DARS1: variants seen among roughly 807,000 people sequenced by gnomAD.
DARS1 encodes the protein aspartate--tRNA ligase, cytoplasmic.
DARS1 carries 51 observed loss-of-function variants against 68.8 expected under a neutral mutation model. That is an observed-to-expected ratio of 0.74 (90% CI 0.59 to 0.94). The LOEUF (loss-of-function observed/expected upper bound fraction) is 0.94, where lower values mean the gene tolerates loss of function less well. DARS1 is among the 40% of genes least tolerant of loss of function. DARS1 has a pLI of 0.00. For missense variants in DARS1, 607 were observed against 597.3 expected, an observed-to-expected ratio of 1.02 and a Z score of -0.17; for synonymous variants, 203 against 190.4, an observed-to-expected ratio of 1.07 and a Z score of -0.55.
intron 7 of DARS1, among the ~76,000 whole-genome samples, chr2:135,932,494 T>C (rs898972353): frequency 2.0e-5 from 3 of 152,200 alleles, no homozygotes; most frequent in African/African-American, 7.2e-5. Context: ...GCTGAATAAC[T>C]TGTCTAAAAA....
intron 5 of DARS1, 70 bp from the exon 6 acceptor site, chr2:135,934,060 C>G: frequency 6.4e-7 from 1 of 1,559,276 alleles, no homozygotes; most frequent in East Asian, 2.3e-5. Flanking sequence ...AAAAAACAAT[C>G]TACAGTTGAC....
chr2:135,966,780 T>G (rs1015990062), intron 3 of DARS1, among the ~76,000 whole-genome samples: 4 of 152,160 alleles, frequency 2.6e-5, no homozygotes, highest in African/African-American at 9.7e-5. Context: ...GTGATCCACC[T>G]GCCTCAGCCT....
intron 4 of DARS1, among the ~76,000 whole-genome samples, chr2:135,952,704 A>C (rs537412734): frequency 6.6e-6 from 1 of 152,174 alleles, no homozygotes; most frequent in Admixed American, 6.5e-5. Context: ...ACAAATGACA[A>C]GATTTCACTT....
chr2:135,948,785 G>A (rs1681780387), intron 4 of DARS1, among the ~76,000 whole-genome samples: 1 of 151,698 alleles, frequency 6.6e-6, no homozygotes, highest in Non-Finnish European at 1.5e-5. Flanking sequence ...GTAGAGAATC[G>A]CTTTAACCTG....
intron 1 of DARS1, among the ~76,000 whole-genome samples, chr2:135,984,850 T>C (rs545768384): frequency 2.6e-4 from 39 of 152,298 alleles, no homozygotes; most frequent in Non-Finnish European, 4.6e-4. Context: ...TCACCTCAAA[T>C]GCATTCTCGG....
intron 3 of DARS1, among the ~76,000 whole-genome samples, chr2:135,963,148 T>C (rs751342288): frequency 2.6e-5 from 4 of 152,124 alleles, no homozygotes; most frequent in Non-Finnish European, 5.9e-5. Flanking sequence ...AATTAGTGTG[T>C]CTGGTAGAAA....
chr2:135,928,787 C>T (rs1426294451), intron 7 of DARS1, among the ~76,000 whole-genome samples: 4 of 149,314 alleles, frequency 2.7e-5, no homozygotes, highest in Middle Eastern at 3.4e-3. Context: ...TACAGGTGCC[C>T]GCCACCACGC....
intron 4 of DARS1, among the ~76,000 whole-genome samples, chr2:135,949,488 A>G (rs1276495079): frequency 2.0e-5 from 3 of 152,232 alleles, no homozygotes; most frequent in African/African-American, 7.2e-5. Flanking sequence ...TAAATATTAG[A>G]TAAGATGGGG....
chr2:135,909,450 ACATATCTAT>A (rs1680853347), intron 15 of DARS1, among the ~76,000 whole-genome samples: 1 of 152,224 alleles, frequency 6.6e-6, no homozygotes, highest in African/African-American at 2.4e-5. Context: ...AAGCTAATTA[ACATATCTAT>A]CATCTTGCAT....
rs748237751 is a variant in DARS1 at position 135,969,616 on chromosome 2, TA to T, written c.218-8119del. Among the ~76,000 whole-genome samples, 618 of 138,626 alleles carry T rather than the reference TA, an allele frequency of 4.5e-3. 2 individuals are homozygous for T. Among genetic ancestry groups the T allele is most frequent in the African/African-American group, 7.5e-3 (287 of 38,100 alleles). The allele number at this position is 138,626 out of a possible 152,430, so 90.9% of individuals were successfully genotyped here. ...AAAGTAAGTTAAACAAGCACTATAC[TA>T]AAAAAAAAAAAGCCACCCGCACCTT... is the stretch of plus-strand genomic sequence containing the variant. On this transcript the variant is annotated intron_variant, in intron 3 of 15. Transcript: ENST00000264161.
chr2:135,907,113 C>A lies in DARS1; in HGVS notation c.*203G>T. 2.6e-6 allele frequency: 1 copy of A among 389,028 alleles called. No individual in the cohort carries two copies. The highest frequency in any genetic ancestry group is 4.6e-6 in the Non-Finnish European group (1 of 216,014). 24.1% of individuals were successfully genotyped at this position (389,028 alleles called of 1,614,324 possible). A position where few individuals can be genotyped will look rare whatever the true frequency, so the allele number is the denominator to read the frequency against. On this transcript the variant is annotated 3_prime_UTR_variant, in exon 16 of 16. Coordinates refer to ENST00000264161, the MANE Select transcript of DARS1 (RefSeq NM_001349.4). Reference sequence around the variant, plus strand: ...TTATAAAAATCTCTTTTAAACGAACCTATACTGAATTACTCCAAAAATAAC... The same window carrying A: ...TTATAAAAATCTCTTTTAAACGAACATATACTGAATTACTCCAAAAATAAC...
chr2:135,929,885 T>G (rs977390298), intron 7 of DARS1, among the ~76,000 whole-genome samples: 2 of 152,202 alleles, frequency 1.3e-5, no homozygotes, highest in African/African-American at 4.8e-5. Flanking sequence ...GAGGCTGCCC[T>G]GAGTGCTGTG....
At chr2:135,926,578 T>C (rs1681215666) in intron 7 of DARS1, among the ~76,000 whole-genome samples, 1 of 152,022 alleles carries the variant, frequency 6.6e-6, no homozygotes, top group South Asian at 2.1e-4. Context: ...ATCACAGGGG[T>C]AGATGGGAAA....
chr2:135,924,608 A>G lies in DARS1; in HGVS notation c.565-110T>C, dbSNP rs117587018. The G allele has an allele frequency of 1.3e-4, 181 of 1,430,420 alleles. 1 individual carries two copies. The East Asian group carries it at 4.1e-3, about 32-fold the overall frequency. The allele number at this position is 1,430,420 out of a possible 1,614,324, so 88.6% of individuals were successfully genotyped here. A position where few individuals can be genotyped will look rare whatever the true frequency, so the allele number is the denominator to read the frequency against. ...AACAATTCTTGCTTTCAACATTTTTAAATTCTAATAATTGGAGAGAAGACG... is the reference window on the plus strand; with the variant it reads ...AACAATTCTTGCTTTCAACATTTTTGAATTCTAATAATTGGAGAGAAGACG... On this transcript the variant is annotated intron_variant, in intron 7 of 15. Transcript: ENST00000264161.
intron 6 of DARS1, among the ~76,000 whole-genome samples, 165 bp downstream of exon 6, chr2:135,933,745 G>C (rs543360033): frequency 6.6e-6 from 1 of 151,904 alleles, no homozygotes; most frequent in Admixed American, 6.6e-5. Context: ...AATGTAAAAG[G>C]CAACTCGATA....
At chr2:135,935,571 G>C (rs573127726) in intron 5 of DARS1, among the ~76,000 whole-genome samples, 4 of 152,234 alleles carry the variant, frequency 2.6e-5, no homozygotes, top group Admixed American at 2.6e-4. Flanking sequence ...CTGCACTCCA[G>C]CCTGGGTGAC....
At chr2:135,956,400 T>C (rs1461397011) in intron 4 of DARS1, among the ~76,000 whole-genome samples, 2 of 152,138 alleles carry the variant, frequency 1.3e-5, no homozygotes, top group Non-Finnish European at 2.9e-5. Context: ...AGGATTCTTG[T>C]TGAAGGCAGG....
intron 5 of DARS1, among the ~76,000 whole-genome samples, chr2:135,939,714 C>T (rs1681554625): frequency 6.6e-6 from 1 of 152,044 alleles, no homozygotes; most frequent in Non-Finnish European, 1.5e-5. Flanking sequence ...TCAATGAATC[C>T]AGGAGCTGGT....
intron 5 of DARS1, among the ~76,000 whole-genome samples, chr2:135,937,828 T>C (rs1010771893): frequency 2.0e-5 from 3 of 152,240 alleles, no homozygotes; most frequent in African/African-American, 7.2e-5. Context: ...CCCCACTCTC[T>C]TCTGGCTTGT....
Sources: gnomAD v4.1 joint callset for allele counts (sites outside exome capture counted in the v4.1 genomes callset) on GRCh38, gnomAD v4.1.1 for gene constraint, MANE v1.5 for transcripts, NCBI Gene and HGNC (gene_info 2026-07-23, HGNC 2026-07-21) for gene names.